The following DMRT3 variants were observed in gnomAD, a reference collection of about 807,000 sequenced individuals.
DMRT3 encodes doublesex- and mab-3-related transcription factor 3.
Under a neutral mutation model 34.9 loss-of-function variants are expected in DMRT3, and 29 were observed. The observed-to-expected ratio is 0.83, with a 90% CI of 0.62 to 1.13. The LOEUF (loss-of-function observed/expected upper bound fraction) is 1.13. Ranked by LOEUF, DMRT3 falls within the 50% of genes most tolerant of loss-of-function variation. The pLI is 0.00. For synonymous variants in DMRT3, 350 were observed against 286.0 expected (o/e 1.22, Z -2.26); for missense variants, 772 against 629.1 (o/e 1.23, Z -2.43).
intron 1 of DMRT3, among the ~76,000 whole-genome samples, chr9:978,250 C>T (rs543981534): frequency 1.3e-5 from 2 of 152,290 alleles, no homozygotes; most frequent in South Asian, 2.1e-4. Flanking sequence ...GATCCCCCAC[C>T]ACCCATCCGT....
chr9:981,437 G>A (rs1300894483), intron 1 of DMRT3, among the ~76,000 whole-genome samples: 1 of 152,138 alleles, frequency 6.6e-6, no homozygotes, highest in Non-Finnish European at 1.5e-5. Context: ...GAAAAACAGG[G>A]TCTCATTTTA....
In DMRT3 at chr9:990,436, G is replaced by A; in HGVS notation, c.850G>A (p.Val284Ile). 6.2e-7 allele frequency: 1 copy of A among 1,614,140 alleles called. No individual in the cohort carries two copies. Among genetic ancestry groups the A allele is most frequent in the Non-Finnish European group, 8.5e-7 (1 of 1,180,022 alleles). Residue 284 changes from valine to isoleucine, a missense_variant, in exon 2 of 2, where the codon GTC (valine) becomes ATC (isoleucine). Coordinates refer to ENST00000190165, the MANE Select transcript of DMRT3 (RefSeq NM_021240.4). ...CGGDLVSAVE[V>I]LLSSRSSVTG... is the part of the protein sequence containing the mutation. ...CGGGGACCTGGTGAGCGCCGTGGAA[G>A]TCCTTCTGTCCAGCCGATCCTCAGT...
rs181402925 is a variant in DMRT3 at position 984,940 on chromosome 9, T to G, written c.455-5101T>G. On this transcript the variant is annotated intron_variant, in intron 1 of 1. Transcript: ENST00000190165. The stretch of plus-strand genomic sequence containing the variant: ...GATTGAAAGCACTTTTGTGAGTGTT[T>G]ATTTTCTCTCTTTAAAGTCTTGTAG... 2.2e-3 allele frequency among the ~76,000 whole-genome samples: 328 copies of G among 152,324 alleles called. 1 individual carries two copies. Among genetic ancestry groups the G allele is most frequent in the African/African-American group, 6.3e-3 (260 of 41,576 alleles).
chr9:986,356 G>A (rs551806466), intron 1 of DMRT3, among the ~76,000 whole-genome samples: 1 of 149,282 alleles, frequency 6.7e-6, no homozygotes, highest in African/African-American at 2.5e-5. Context: ...CTCCATTTTT[G>A]TAATGGTAGA....
At chr9:981,814 G>T (rs1191801890) in intron 1 of DMRT3, among the ~76,000 whole-genome samples, 1 of 152,162 alleles carries the variant, frequency 6.6e-6, no homozygotes, top group Admixed American at 6.5e-5. Flanking sequence ...CCAGCTTCTC[G>T]CCGCCTGCTG....
In DMRT3 at chr9:990,515, A is replaced by T. The variant is rs755774274; in HGVS notation, c.929A>T (p.Asn310Ile). 5.0e-6 allele frequency: 8 copies of T among 1,614,038 alleles called. No individual in the cohort carries two copies. Among genetic ancestry groups the T allele is most frequent in the Non-Finnish European group, 5.9e-6 (7 of 1,180,014 alleles). Reference sequence around the variant, plus strand: ...CCTGAGAGTCTAGCGTTGCCCTCCAATGGGCACATCTTTGAACACACCTTG... The same window carrying T: ...CCTGAGAGTCTAGCGTTGCCCTCCATTGGGCACATCTTTGAACACACCTTG... ...AEPESLALPS[N>I]GHIFEHTLSS... Residue 310 changes from asparagine (N) to isoleucine (I), a missense_variant, in exon 2 of 2, where the codon AAT becomes ATT. Physicochemically the swap from Asn to Ile is moderately radical, Grantham distance 149. Transcript: ENST00000190165.
At chr9:987,008 A>G (rs1329705275) in intron 1 of DMRT3, among the ~76,000 whole-genome samples, 1 of 151,866 alleles carries the variant, frequency 6.6e-6, no homozygotes, top group East Asian at 1.9e-4. Flanking sequence ...CTATATTACT[A>G]TGACACTGTG....
rs748703468 is a variant in DMRT3 at position 980,643 on chromosome 9, TATTCTTCTCCTAA to T, written c.454+3193_454+3205del. Among the ~76,000 whole-genome samples, 263 of 152,310 alleles carry T rather than the reference TATTCTTCTCCTAA, an allele frequency of 1.7e-3. 3 individuals are homozygous for T. Among genetic ancestry groups the T allele is most frequent in the Non-Finnish European group, 5.4e-4 (37 of 68,040 alleles). On this transcript the variant is annotated intron_variant, in intron 1 of 1. Coordinates refer to ENST00000190165, the MANE Select transcript of DMRT3 (RefSeq NM_021240.4). ...ATATACATACACTATTTAATTCATT[TATTCTTCTCCTAA>T]ATTCCCTCTATGTTCTTCTCATACT...
chr9:982,332 C>A (rs369726127), intron 1 of DMRT3, among the ~76,000 whole-genome samples: 1 of 152,210 alleles, frequency 6.6e-6, no homozygotes. Flanking sequence ...TGTTCCACGT[C>A]TAGGAACCAG....
At chr9:977,521 C>T in intron 1 of DMRT3, 66 bp downstream of exon 1, 2 of 1,210,366 alleles carry the variant, frequency 1.7e-6, no homozygotes, top group Non-Finnish European at 1.0e-6. Context: ...CCAGCTGCAG[C>T]TCCACTTGGG....
At chr9:980,785 C>T (rs536879297) in intron 1 of DMRT3, among the ~76,000 whole-genome samples, 15 of 152,128 alleles carry the variant, frequency 9.9e-5, no homozygotes, top group Non-Finnish European at 1.3e-4. Context: ...GACGTGGGCT[C>T]AAGAGCTGAG....
chr9:987,488 G>A (rs1820300890), intron 1 of DMRT3, among the ~76,000 whole-genome samples: 1 of 151,104 alleles, frequency 6.6e-6, no homozygotes, highest in South Asian at 2.1e-4. Context: ...ATGCACTGAT[G>A]GACATTTGGG....
rs757178588 is a variant in DMRT3 at position 991,722 on chromosome 9, A to G, written c.*717A>G. On this transcript the variant is annotated 3_prime_UTR_variant, in exon 2 of 2. Coordinates refer to ENST00000190165, the MANE Select transcript of DMRT3 (RefSeq NM_021240.4). Reference sequence around the variant, plus strand: ...TAAGGACTCTAGAAAAAAATAAACTAAGGAGACGAGCGTGGTTTATGTCAT... The same window carrying G: ...TAAGGACTCTAGAAAAAAATAAACTGAGGAGACGAGCGTGGTTTATGTCAT... The G allele has an allele frequency of 1.3e-5, 2 of 152,536 alleles. No individual in the cohort carries two copies. Among genetic ancestry groups the G allele is most frequent in the Non-Finnish European group, 2.9e-5 (2 of 68,042 alleles). The allele number at this position is 152,536 out of a possible 1,614,324, so 9.4% of individuals were successfully genotyped here.
At chr9:985,885 A>G (rs1303898874) in intron 1 of DMRT3, among the ~76,000 whole-genome samples, 1 of 152,104 alleles carries the variant, frequency 6.6e-6, no homozygotes, top group Non-Finnish European at 1.5e-5. Context: ...TTCTTTCATC[A>G]TCTTTGTCTT....
chr9:977,353 C>A lies in DMRT3; in HGVS notation c.352C>A (p.Pro118Thr). 8.1e-7 allele frequency: 1 copy of A among 1,236,746 alleles called. No homozygotes were observed. The highest frequency in any genetic ancestry group is 3.7e-5 in the South Asian group (1 of 26,796). 76.6% of individuals were successfully genotyped at this position (1,236,746 alleles called of 1,614,324 possible). A position where few individuals can be genotyped will look rare whatever the true frequency, so the allele number is the denominator to read the frequency against. ...QPPPASQPSQ[P>T]QPPRPAAELA... ...GCCGCCAGCCTCTCAGCCGTCGCAGCCGCAGCCGCCGCGCCCTGCTGCCGA... is the reference window on the plus strand; with the variant it reads ...GCCGCCAGCCTCTCAGCCGTCGCAGACGCAGCCGCCGCGCCCTGCTGCCGA... The change falls in exon 1 of 2, where the codon CCG becomes ACG. Residue 118 changes from proline (P) to threonine (T), a missense_variant. Physicochemically the swap from Pro to Thr is conservative, Grantham distance 38 (BLOSUM62 -1). Transcript: ENST00000190165.
Position 990,163 on chromosome 9 carries a change from G to C in DMRT3, c.577G>C (p.Glu193Gln), listed in dbSNP as rs775178489. Reference protein sequence around the residue: ...VAKSKGCFTPESPEIVSVEEG... With the variant: ...VAKSKGCFTPQSPEIVSVEEG... ...AAAGAGTAAGGGCTGCTTCACCCCTGAGAGCCCTGAGATAGTGTCCGTGGA... is the reference window on the plus strand; with the variant it reads ...AAAGAGTAAGGGCTGCTTCACCCCTCAGAGCCCTGAGATAGTGTCCGTGGA... Residue 193 changes from glutamate to glutamine, a missense_variant, in exon 2 of 2, where the codon GAG (glutamate) becomes CAG (glutamine). Glu to Gln is a conservative substitution (Grantham distance 29). Coordinates refer to ENST00000190165, the MANE Select transcript of DMRT3 (RefSeq NM_021240.4). 6.2e-7 allele frequency: 1 copy of C among 1,613,938 alleles called. No individual in the cohort carries two copies. The highest frequency in any genetic ancestry group is 2.2e-5 in the East Asian group (1 of 44,870).
rs956092259 is a variant in DMRT3 at position 991,197 on chromosome 9, C to G, written c.*192C>G. ...CACTTCACTGGAAAATGCCAAATAG[C>G]TCTGTTCTGTGGCTTTAGTGCTGAA... On this transcript the variant is annotated 3_prime_UTR_variant, in exon 2 of 2. Transcript: ENST00000190165. The G allele has an allele frequency of 6.0e-6, 4 of 669,730 alleles. No individual in the cohort carries two copies. The highest frequency in any genetic ancestry group is 9.7e-6 in the Non-Finnish European group (4 of 411,046). The allele number at this position is 669,730 out of a possible 1,614,324, so 41.5% of individuals were successfully genotyped here.
At chr9:980,662 C>T (rs1563687583) in intron 1 of DMRT3, among the ~76,000 whole-genome samples, 3 of 76,394 alleles carry the variant, frequency 3.9e-5, no homozygotes, top group Admixed American at 3.9e-4. Context: ...CCTAAATTCC[C>T]TCTATGTTCT....
At chr9:987,432 G>A (rs1820300014) in intron 1 of DMRT3, among the ~76,000 whole-genome samples, 1 of 146,136 alleles carries the variant, frequency 6.8e-6, no homozygotes, top group East Asian at 1.9e-4. Flanking sequence ...GTGTGTGTGT[G>A]TGTGTGTGTG....
Sources: allele counts gnomAD v4.1 joint callset (sites outside exome capture counted in the v4.1 genomes callset), GRCh38; gene constraint gnomAD v4.1.1; transcripts MANE v1.5; gene names NCBI Gene and HGNC (gene_info 2026-07-23, HGNC 2026-07-21).